Variants in PHACTR2 observed in about 807,000 individuals in gnomAD.
PHACTR2 encodes phosphatase and actin regulator 2.
Under a neutral mutation model 76.0 loss-of-function variants are expected in PHACTR2, and 30 were observed. The observed-to-expected ratio is 0.39, with a 90% confidence interval of 0.30 to 0.54. The LOEUF (loss-of-function observed/expected upper bound fraction) is 0.54. Among genes scored for constraint, PHACTR2 ranks in the 20% least tolerant of loss-of-function variants. The pLI, the probability that PHACTR2 is intolerant of heterozygous loss-of-function variation, is 0.61. For synonymous variants in PHACTR2, 292 were observed against 292.5 expected (o/e 1.00, Z 0.02); for missense variants, 696 against 781.1 (o/e 0.89, Z 1.30).
At chr6:143,804,003 G>C (rs1776015174) in intron 11 of PHACTR2, among the ~76,000 whole-genome samples, 1 of 152,200 alleles carries the variant, frequency 6.6e-6, no homozygotes, top group South Asian at 2.1e-4. Context: ...TGCATCAGCT[G>C]TAAGGTAAAA....
At chr6:143,714,168 G>T (rs1467248381) in intron 2 of PHACTR2, among the ~76,000 whole-genome samples, 2 of 152,070 alleles carry the variant, frequency 1.3e-5, no homozygotes, top group Non-Finnish European at 2.9e-5. Flanking sequence ...ATATGATCAG[G>T]GCCATTTGCT....
At chr6:143,604,390 C>A (rs1371655952), upstream of PHACTR2, among the ~76,000 whole-genome samples, 1 of 152,140 alleles carries the variant, frequency 6.6e-6, no homozygotes, top group Non-Finnish European at 1.5e-5. Flanking sequence ...AAACTATGTT[C>A]TTTTTAGCCT....
rs751185772 is a variant in PHACTR2, at chr6:143,789,506, G to A, written c.1845+596G>A. ...ATCTAAATCATTGCACACAATTCCTGAAAAATGAAATATACAGTGGGTTCT... is the reference window on the plus strand; with the variant it reads ...ATCTAAATCATTGCACACAATTCCTAAAAAATGAAATATACAGTGGGTTCT... On this transcript the variant is annotated intron_variant, in intron 11 of 12. Coordinates refer to ENST00000440869, the MANE Select transcript of PHACTR2 (RefSeq NM_001100164.2). This position sits in a 1 kb window ranked among gnomAD's most constrained non-coding sequence, Gnocchi z 5.1. The A allele has an allele frequency of 7.2e-5, 11 of 152,242 alleles. No homozygotes were observed. Among genetic ancestry groups the A allele is most frequent in the Non-Finnish European group, 1.5e-4 (10 of 68,076 alleles). The allele number at this position is 152,242 out of a possible 1,614,324, so 9.4% of individuals were successfully genotyped here.
rs1273684709 is a variant in PHACTR2, at chr6:143,695,350, A to C, written c.47-16666A>C. Among the ~76,000 whole-genome samples the C allele has an allele frequency of 6.6e-6, 1 of 152,200 alleles. No individual in the cohort carries two copies. Among genetic ancestry groups the C allele is most frequent in the African/African-American group, 2.4e-5 (1 of 41,456 alleles). On this transcript the variant is annotated intron_variant, in intron 1 of 12. Coordinates refer to ENST00000440869, the MANE Select transcript of PHACTR2 (RefSeq NM_001100164.2). This position sits in a 1 kb window ranked among gnomAD's most constrained non-coding sequence, Gnocchi z 4.4. ...GCAGATTAGAATATGCTGAGCACTC[A>C]ATCTGAGGAAGGTTAAAAGTCATAG... is the stretch of plus-strand genomic sequence containing the variant.
chr6:143,769,888 T>C (rs925103643), intron 6 of PHACTR2, among the ~76,000 whole-genome samples: 2 of 152,166 alleles, frequency 1.3e-5, no homozygotes, highest in South Asian at 2.1e-4. Flanking sequence ...ATTTTTCCTA[T>C]AAAAATAGAT....
chr6:143,765,567 T>C lies in PHACTR2; in HGVS notation c.1001T>C (p.Met334Thr). ...CAGAACACAGGCAAATTCAAGTCCATGGTCCCTCCACCCCCTGTGGCTCCA... is the reference window on the plus strand; with the variant it reads ...CAGAACACAGGCAAATTCAAGTCCACGGTCCCTCCACCCCCTGTGGCTCCA... ...EEQNTGKFKSMVPPPPVAPAP... is the reference protein window; with the variant it reads ...EEQNTGKFKSTVPPPPVAPAP... Residue 334 changes from methionine (M) to threonine (T), a missense_variant, in exon 6 of 13, where the codon ATG becomes ACG. By Grantham distance (81) the Met-to-Thr change is moderately conservative (BLOSUM62 -1). This residue lies in a region of PHACTR2 where 460 missense variants were observed against 450.9 expected (regional missense o/e 1.02). Coordinates refer to ENST00000440869, the MANE Select transcript of PHACTR2 (RefSeq NM_001100164.2). The surrounding 1 kb of genome is among the most constrained non-coding windows in gnomAD (Gnocchi z 4.1). 6.2e-7 allele frequency: 1 copy of C among 1,614,132 alleles called. No homozygotes were observed. The highest frequency in any genetic ancestry group is 8.5e-7 in the Non-Finnish European group (1 of 1,179,988).
chr6:143,611,888 A>C lies in PHACTR2; in HGVS notation c.13+3566A>C, dbSNP rs1342697773. Among the ~76,000 whole-genome samples, 1 of 152,232 alleles carries C rather than the reference A, an allele frequency of 6.6e-6. No individual in the cohort carries two copies. The highest frequency in any genetic ancestry group is 1.5e-5 in the Non-Finnish European group (1 of 68,042). ...GGGGATGCATTGGATATGCATCAGCAGAGCACGACGAGTGGATATGGAGGC... is the reference window on the plus strand; with the variant it reads ...GGGGATGCATTGGATATGCATCAGCCGAGCACGACGAGTGGATATGGAGGC... On this transcript the variant is annotated intron_variant, in intron 1 of 11. Transcript: ENST00000305766. This position sits in a 1 kb window ranked among gnomAD's most constrained non-coding sequence, Gnocchi z 4.4.
In PHACTR2 at chr6:143,753,746, C is replaced by T. The variant is rs757373779; in HGVS notation, c.296-8C>T. ...GTTAGACATCTAGGTGTTTCTTTCC[C>T]ATTTTAGATGGAGATGTAACAGTTA... is the stretch of plus-strand genomic sequence containing the variant. On this transcript the variant is annotated splice_region_variant and splice_polypyrimidine_tract_variant and intron_variant, in intron 3 of 12. Coordinates refer to ENST00000440869, the MANE Select transcript of PHACTR2 (RefSeq NM_001100164.2). The surrounding 1 kb of genome is among the most constrained non-coding windows in gnomAD (Gnocchi z 4.6). 3.8e-6 allele frequency: 6 copies of T among 1,574,900 alleles called. No homozygotes were observed. In the South Asian group the frequency reaches 7.1e-5, roughly 19 times the overall value.
In PHACTR2 at chr6:143,618,918, T is replaced by C. The variant is rs562649139; in HGVS notation, c.13+10596T>C. ...CAGGGCCACGTCTCCTTCTTGAGCC[T>C]TATACTAAGTACTGTACCTGGCAGA... On this transcript the variant is annotated intron_variant, in intron 1 of 11. Coordinates refer to the PHACTR2 transcript ENST00000305766. The surrounding 1 kb of genome is among the most constrained non-coding windows in gnomAD (Gnocchi z 5.2). Among the ~76,000 whole-genome samples the C allele has an allele frequency of 3.3e-5, 5 of 152,204 alleles. No homozygotes were observed. In the East Asian group the frequency reaches 5.8e-4, roughly 18 times the overall value.
At chr6:143,575,873 G>A (rs896402262) in intron 1 of PHACTR2, among the ~76,000 whole-genome samples, 2 of 106,006 alleles carry the variant, frequency 1.9e-5, no homozygotes, top group Non-Finnish European at 4.4e-5. Flanking sequence ...GTGGACATTT[G>A]TTTTCAATTT....
In PHACTR2 at chr6:143,547,496, A is replaced by C. The variant is rs1293508228; in HGVS notation, c.217+10289A>C. On this transcript the variant is annotated intron_variant, in intron 1 of 11. Coordinates refer to the PHACTR2 transcript ENST00000367584. This position sits in a 1 kb window ranked among gnomAD's most constrained non-coding sequence, Gnocchi z 4.2. ...ACAAGGTCATATGTGCTAACCAAGC[A>C]GATCAGTTGGAACTGTTAACACAGT... is the stretch of plus-strand genomic sequence containing the variant. Among the ~76,000 whole-genome samples, 1 of 152,246 alleles carries C rather than the reference A, an allele frequency of 6.6e-6. No individual in the cohort carries two copies. Among genetic ancestry groups the C allele is most frequent in the Admixed American group, 6.5e-5 (1 of 15,282 alleles).
At chr6:143,616,000 C>A (rs2128438803) in intron 1 of PHACTR2, among the ~76,000 whole-genome samples, 1 of 152,284 alleles carries the variant, frequency 6.6e-6, no homozygotes, top group African/African-American at 2.4e-5. Context: ...ATTTTGATAT[C>A]TATGTCAAGA....
chr6:143,754,856 G>C lies in PHACTR2; in HGVS notation c.454+944G>C, dbSNP rs1274887305. 6.6e-6 allele frequency among the ~76,000 whole-genome samples: 1 copy of C among 152,168 alleles called. No individual in the cohort carries two copies. The highest frequency in any genetic ancestry group is 1.5e-5 in the Non-Finnish European group (1 of 68,034). On this transcript the variant is annotated intron_variant, in intron 4 of 12. Coordinates refer to ENST00000440869, the MANE Select transcript of PHACTR2 (RefSeq NM_001100164.2). The surrounding 1 kb of genome is among the most constrained non-coding windows in gnomAD (Gnocchi z 6.2). ...TTTTGTCAAACCTAGTGTGTGTTCT[G>C]TGGGCATTTTGAACTCTTAGAAACT...
Position 143,598,859 on chromosome 6 carries a change from G to A in PHACTR2, c.217+61652G>A, listed in dbSNP as rs1008362031. 1.3e-5 allele frequency among the ~76,000 whole-genome samples: 2 copies of A among 152,158 alleles called. No individual in the cohort carries two copies. The highest frequency in any genetic ancestry group is 2.9e-5 in the Non-Finnish European group (2 of 68,038). On this transcript the variant is annotated intron_variant, in intron 1 of 11. Coordinates refer to the PHACTR2 transcript ENST00000367584. The surrounding 1 kb of genome is among the most constrained non-coding windows in gnomAD (Gnocchi z 4.1). ...TAAGTGTTTGCTGTGGTCCTAACAA[G>A]TCCACCTAGAGCCATTTAAATGGCT...
At chr6:143,673,871 G>A (rs1425624429), upstream of PHACTR2, among the ~76,000 whole-genome samples, 2 of 151,940 alleles carry the variant, frequency 1.3e-5, no homozygotes, top group African/African-American at 4.8e-5. Flanking sequence ...CTTTTAGCTT[G>A]AGCAAGCAGA....
At position 143,556,951 on chromosome 6, in the gene PHACTR2, AC is replaced by A. The variant is rs1775182879; in HGVS notation, c.217+19745del. 6.6e-6 allele frequency among the ~76,000 whole-genome samples: 1 copy of A among 152,212 alleles called. No individual in the cohort carries two copies. Among genetic ancestry groups the A allele is most frequent in the African/African-American group, 2.4e-5 (1 of 41,454 alleles). ...TCTGTCCTCCTCCCTCAGAGAGACC[AC>A]ATTTCCTTTTGAAACAAAAATGAGG... On this transcript the variant is annotated intron_variant, in intron 1 of 11. Coordinates refer to the PHACTR2 transcript ENST00000367584. This position sits in a 1 kb window ranked among gnomAD's most constrained non-coding sequence, Gnocchi z 4.3.
chr6:143,599,869 G>T lies in PHACTR2; in HGVS notation c.217+62662G>T, dbSNP rs562920344. Among the ~76,000 whole-genome samples, 6 of 152,214 alleles carry T rather than the reference G, an allele frequency of 3.9e-5. No individual in the cohort carries two copies. The highest frequency in any genetic ancestry group is 7.3e-5 in the Non-Finnish European group (5 of 68,038). ...GGAGCCAGGCAGGCCATGTAAGTGT[G>T]TGTAGCTCAATGTGAGACAATTGGG... On this transcript the variant is annotated intron_variant, in intron 1 of 11. Transcript: ENST00000367584. The surrounding 1 kb of genome is among the most constrained non-coding windows in gnomAD (Gnocchi z 4.6).
chr6:143,741,908 C>G (rs1007133224), intron 2 of PHACTR2, among the ~76,000 whole-genome samples: 3 of 152,012 alleles, frequency 2.0e-5, no homozygotes, highest in Admixed American at 6.6e-5. Context: ...TCGAGACCAG[C>G]CTGGCCAACG....
At position 143,765,812 on chromosome 6, in the gene PHACTR2, C is replaced by G. The variant is rs747400800; in HGVS notation, c.1232+14C>G. ...AAATGCAAAATGGTGAGTTGGGGAA[C>G]AAACCCCCTATTTTATCTGAGAACT... On this transcript the variant is annotated intron_variant, in intron 6 of 12. Coordinates refer to ENST00000440869, the MANE Select transcript of PHACTR2 (RefSeq NM_001100164.2). The surrounding 1 kb of genome is among the most constrained non-coding windows in gnomAD (Gnocchi z 4.1). 6.3e-7 allele frequency: 1 copy of G among 1,589,562 alleles called. No individual in the cohort carries two copies. Among genetic ancestry groups the G allele is most frequent in the Non-Finnish European group, 8.6e-7 (1 of 1,162,038 alleles).
Sources: allele counts gnomAD v4.1 joint callset (sites outside exome capture counted in the v4.1 genomes callset), GRCh38; gene constraint gnomAD v4.1.1; regional missense constraint gnomAD v4.1.1; non-coding constraint Gnocchi (gnomAD v3.1); transcripts MANE v1.5; gene names NCBI Gene and HGNC (gene_info 2026-07-23, HGNC 2026-07-21).